The following HDAC9 variants were observed in gnomAD, a reference collection of about 807,000 sequenced individuals.
HDAC9 encodes the protein MEF-2 interacting transcription repressor (MITR) protein.
A neutral mutation model predicts 139.4 loss-of-function variants in HDAC9; 41 were observed. That is an observed-to-expected ratio of 0.29 (90% CI 0.23 to 0.38). HDAC9 has a LOEUF of 0.38. Among genes scored for constraint, HDAC9 ranks in the 10% least tolerant of loss-of-function variants. The pLI, the probability that HDAC9 is intolerant of heterozygous loss-of-function variation, is 1.00. For synonymous variants in HDAC9, 517 were observed against 476.2 expected (o/e 1.09, Z -1.12); for missense variants, 1,147 against 1,297.0 (o/e 0.88, Z 1.78).
chr7:18,490,815 G>A (rs1166581281), upstream of HDAC9, among the ~76,000 whole-genome samples: 2 of 151,596 alleles, frequency 1.3e-5, no homozygotes, highest in East Asian at 3.9e-4. Context: ...TGTGAGGTTG[G>A]GAGAAGAGGT....
chr7:18,729,000 T>C (rs566683716), intron 13 of HDAC9, among the ~76,000 whole-genome samples: 88 of 152,260 alleles, frequency 5.8e-4, no homozygotes, highest in Non-Finnish European at 1.1e-3. Context: ...TGCCCAGATA[T>C]TCCGGAAAAC....
intron 1 of HDAC9, among the ~76,000 whole-genome samples, chr7:18,474,539 T>C (rs1194261370): frequency 6.6e-6 from 1 of 152,220 alleles, no homozygotes. Context: ...ACTATAGTTT[T>C]TTCCTTTGGG....
upstream of HDAC9, among the ~76,000 whole-genome samples, chr7:18,286,049 T>C (rs1797429729): frequency 6.6e-6 from 1 of 152,076 alleles, no homozygotes; most frequent in South Asian, 2.1e-4. Context: ...TTTGCTTTTG[T>C]AGTCAAAATT....
At position 18,587,965 on chromosome 7, in the gene HDAC9, T is replaced by G. The variant is rs116212336; in HGVS notation, c.265-2371T>G. 5.3e-3 allele frequency among the ~76,000 whole-genome samples: 800 copies of G among 152,296 alleles called. 8 individuals carry two copies. The highest frequency in any genetic ancestry group is 0.018 in the African/African-American group (757 of 41,562). On this transcript the variant is annotated intron_variant, in intron 3 of 25. Coordinates refer to ENST00000686413, the MANE Select transcript of HDAC9 (RefSeq NM_178425.4). ...ACCAACCCAAGTATCTATATAGAAT[T>G]TAACAGTAAGGCAGAATTTAAGCAT...
At position 18,319,237 on chromosome 7, in the gene HDAC9, G is replaced by C. The variant is rs1799858341; in HGVS notation, c.-42+28722G>C. On this transcript the variant is annotated intron_variant, in intron 1 of 3. Coordinates refer to the HDAC9 transcript ENST00000413509. The stretch of plus-strand genomic sequence containing the variant: ...TAGTTTCTGTTGCTGGTGAAGATTT[G>C]TTTGGGGTTCAGTAAAACTTTCAAA... 2.6e-5 allele frequency among the ~76,000 whole-genome samples: 4 copies of C among 152,124 alleles called. No individual in the cohort carries two copies. The South Asian group carries it at 8.3e-4, about 32-fold the overall frequency.
intron 19 of HDAC9, among the ~76,000 whole-genome samples, chr7:18,834,334 C>CT (rs145160356): frequency 1.2e-4 from 18 of 144,704 alleles, no homozygotes; most frequent in East Asian, 4.1e-4. Flanking sequence ...TGGAGTGGCT[C>CT]TTTTTTTTTT....
At chr7:18,690,424 G>A (rs1782590459) in intron 12 of HDAC9, among the ~76,000 whole-genome samples, 1 of 151,982 alleles carries the variant, frequency 6.6e-6, no homozygotes, top group Non-Finnish European at 1.5e-5. Flanking sequence ...AGAGATTGAT[G>A]CTGAAAAGGT....
intron 1 of HDAC9, among the ~76,000 whole-genome samples, chr7:18,441,373 T>G (rs1458688981): frequency 1.3e-5 from 2 of 152,232 alleles, no homozygotes; most frequent in African/African-American, 4.8e-5. Context: ...CTTTTTTGAA[T>G]TTTTAGTATC....
At chr7:18,759,001 G>T (rs1191182722) in intron 14 of HDAC9, among the ~76,000 whole-genome samples, 1 of 152,036 alleles carries the variant, frequency 6.6e-6, no homozygotes, top group African/African-American at 2.4e-5. Flanking sequence ...AGAGTCAAAA[G>T]AAAGAATAAG....
chr7:18,627,051 C>G (rs1269937839), intron 6 of HDAC9, among the ~76,000 whole-genome samples: 2 of 152,160 alleles, frequency 1.3e-5, no homozygotes, highest in South Asian at 2.1e-4. Flanking sequence ...CTACATTCAC[C>G]CAGATCTTCA....
intron 2 of HDAC9, among the ~76,000 whole-genome samples, chr7:18,190,581 G>T (rs186309851): frequency 1.3e-3 from 200 of 152,306 alleles, no homozygotes; most frequent in Non-Finnish European, 2.4e-3. Context: ...TTAACTGTAA[G>T]ATTATGATGC....
intron 22 of HDAC9, among the ~76,000 whole-genome samples, chr7:18,932,688 T>TA (rs2129306823): frequency 6.6e-6 from 1 of 151,532 alleles, no homozygotes; most frequent in South Asian, 2.1e-4. Context: ...GAAAAGAAAA[T>TA]ACTCCTAAAT....
At chr7:18,899,547 C>A (rs1801507963) in intron 22 of HDAC9, 1 of 151,822 alleles carries the variant, frequency 6.6e-6, no homozygotes, top group African/African-American at 2.4e-5. Flanking sequence ...GATTCAGAAT[C>A]TACAGATTTT....
intron 17 of HDAC9, among the ~76,000 whole-genome samples, chr7:18,813,904 C>T (rs1295358558): frequency 6.6e-6 from 1 of 152,176 alleles, no homozygotes; most frequent in East Asian, 1.9e-4. Flanking sequence ...GGTGTTCCCA[C>T]ACCACAGTCC....
At chr7:18,423,936 T>C (rs1789875457) in intron 1 of HDAC9, among the ~76,000 whole-genome samples, 1 of 152,228 alleles carries the variant, frequency 6.6e-6, no homozygotes, top group African/African-American at 2.4e-5. Flanking sequence ...GAAGGAACTG[T>C]TGGCTGCCAT....
intron 1 of HDAC9, among the ~76,000 whole-genome samples, chr7:18,129,058 A>G (rs1472042632): frequency 2.6e-5 from 4 of 152,144 alleles, no homozygotes; most frequent in African/African-American, 9.7e-5. Flanking sequence ...AATCCTTTCA[A>G]ATATGTTAAA....
chr7:18,663,017 T>C (rs1485848543), intron 11 of HDAC9, among the ~76,000 whole-genome samples: 1 of 151,862 alleles, frequency 6.6e-6, no homozygotes, highest in Non-Finnish European at 1.5e-5. Context: ...AAAGGAGTGG[T>C]TTTCAATGAA....
At chr7:18,232,118 C>T (rs755396149) in intron 2 of HDAC9, among the ~76,000 whole-genome samples, 1 of 152,172 alleles carries the variant, frequency 6.6e-6, no homozygotes, top group Non-Finnish European at 1.5e-5. Context: ...ACATTTAAAA[C>T]TCTAGTGATC....
intron 25 of HDAC9, among the ~76,000 whole-genome samples, chr7:18,988,562 G>A (rs1048811003): frequency 6.6e-6 from 1 of 152,082 alleles, no homozygotes; most frequent in Non-Finnish European, 1.5e-5. Context: ...GGAGAGTTCT[G>A]TAGATGTCTA....
Sources: allele counts gnomAD v4.1 joint callset (sites outside exome capture counted in the v4.1 genomes callset), GRCh38; gene constraint gnomAD v4.1.1; transcripts MANE v1.5; gene names NCBI Gene and HGNC (gene_info 2026-07-23, HGNC 2026-07-21).